The following AHI1 variants were observed in gnomAD, a reference collection of about 807,000 sequenced individuals.
AHI1 encodes the protein Abelson helper integration site 1, also known as jouberin.
In AHI1, 123 loss-of-function variants were observed where a neutral mutation model predicts 149.3. The ratio of observed to expected loss-of-function variants is 0.82; its 90% CI spans 0.71 to 0.96. The LOEUF (loss-of-function observed/expected upper bound fraction) is 0.96, where lower values mean the gene tolerates loss of function less well. AHI1 is among the 40% of genes least tolerant of loss of function. The probability of loss-of-function intolerance (pLI) is 0.00; values close to 1 mark genes in which losing one functional copy is unlikely to be tolerated. For missense variants in AHI1, 1,439 were observed against 1,422.7 expected, an observed-to-expected ratio of 1.01 and a Z score of -0.18; for synonymous variants, 475 against 459.8, an observed-to-expected ratio of 1.03 and a Z score of -0.42.
chr6:135,378,395 C>T (rs980027261), intron 23 of AHI1, among the ~76,000 whole-genome samples: 1 of 152,316 alleles, frequency 6.6e-6, no homozygotes, highest in Middle Eastern at 3.4e-3. Flanking sequence ...CTAATTTCTA[C>T]CTAAAACCAT....
chr6:135,495,134 T>C (rs1795790168), intron 3 of AHI1, among the ~76,000 whole-genome samples: 1 of 152,146 alleles, frequency 6.6e-6, no homozygotes, highest in Non-Finnish European at 1.5e-5. Context: ...GTGGAAGGAT[T>C]ATGCTTTTTG....
rs1787146246 is a variant in AHI1, at chr6:135,323,239, T to C, written c.3251A>G (p.Asp1084Gly). 8.7e-6 allele frequency: 14 copies of C among 1,613,930 alleles called. No individual in the cohort carries two copies. Among genetic ancestry groups the C allele is most frequent in the Non-Finnish European group, 1.2e-5 (14 of 1,179,846 alleles). Residue 1084 changes from aspartate (D) to glycine (G), a missense_variant, in exon 25 of 29, where the codon GAT becomes GGT. Transcript: ENST00000265602. The part of the protein sequence containing the change: ...RGDIIRVFFK[D>G]NEDWWYGSIG... ...GCTGCCATACCACCAGTCTTCATTA[T>C]CTTTGAAAAACACTCGGATAATGTC...
At chr6:135,302,807 T>A in intron 26 of AHI1, 1 of 1,289,076 alleles carries the variant, frequency 7.8e-7, no homozygotes, top group Non-Finnish European at 1.0e-6. Flanking sequence ...AGCTGTTTTG[T>A]TTTATTTTAC....
At position 135,432,514 on chromosome 6, in the gene AHI1, G is replaced by A. The variant is rs866543986; in HGVS notation, c.2266+513C>T. Among the ~76,000 whole-genome samples, 7 of 151,956 alleles carry A rather than the reference G, an allele frequency of 4.6e-5. No individual in the cohort carries two copies. The South Asian group carries it at 1.2e-3, about 27-fold the overall frequency. The stretch of plus-strand genomic sequence containing the variant: ...ACTACAGGTGCATGCCACCACACCC[G>A]GCTAATTTTTTGTATTTTTAGTAGA... On this transcript the variant is annotated intron_variant, in intron 16 of 28. Coordinates refer to ENST00000265602, the MANE Select transcript of AHI1 (RefSeq NM_001134831.2).
At chr6:135,469,313 T>C (rs1027517612) in intron 5 of AHI1, among the ~76,000 whole-genome samples, 1 of 152,184 alleles carries the variant, frequency 6.6e-6, no homozygotes, top group Non-Finnish European at 1.5e-5. Context: ...TCAACATTGC[T>C]TCATGTTAAA....
At chr6:135,453,977 T>C (rs1039832207) in intron 10 of AHI1, among the ~76,000 whole-genome samples, 1 of 152,140 alleles carries the variant, frequency 6.6e-6, no homozygotes, top group Non-Finnish European at 1.5e-5. Context: ...TAGATATTTA[T>C]CAAAGGCTAT....
chr6:135,331,658 G>A (rs146848296), intron 24 of AHI1, among the ~76,000 whole-genome samples: 1 of 152,298 alleles, frequency 6.6e-6, no homozygotes, highest in Non-Finnish European at 1.5e-5. Context: ...TATCCACAAT[G>A]CAATCCAATA....
intron 23 of AHI1, among the ~76,000 whole-genome samples, chr6:135,369,403 G>C (rs1774696340): frequency 6.6e-6 from 1 of 152,236 alleles, no homozygotes; most frequent in South Asian, 2.1e-4. Context: ...CCAAGTGGGA[G>C]CTGCAAGTTA....
chr6:135,400,481 T>C (rs1583038576), intron 22 of AHI1, among the ~76,000 whole-genome samples: 1 of 151,314 alleles, frequency 6.6e-6, no homozygotes, highest in East Asian at 1.9e-4. Context: ...AAAGATGAAG[T>C]TTCCTGGCTT....
At chr6:135,327,125 G>A (rs1356568869) in intron 24 of AHI1, among the ~76,000 whole-genome samples, 1 of 152,118 alleles carries the variant, frequency 6.6e-6, no homozygotes, top group African/African-American at 2.4e-5. Flanking sequence ...ATAACACACT[G>A]AGAAAATAAA....
At chr6:135,382,980 A>T (rs58547978) in intron 23 of AHI1, among the ~76,000 whole-genome samples, 1,510 of 140,508 alleles carry the variant, frequency 0.011, 29 homozygotes, top group African/African-American at 0.034. Flanking sequence ...ATAATTTTTT[A>T]AAAATTGGAT....
At chr6:135,300,912 T>C in intron 26 of AHI1, 1 of 1,002,470 alleles carries the variant, frequency 1.0e-6, no homozygotes, top group Non-Finnish European at 1.2e-6. Context: ...TCTTTTAGCC[T>C]GCATCTTTCC....
At chr6:135,318,066 C>A (rs937585105) in intron 26 of AHI1, among the ~76,000 whole-genome samples, 5 of 152,196 alleles carry the variant, frequency 3.3e-5, no homozygotes, top group African/African-American at 1.2e-4. Flanking sequence ...AATACATCCA[C>A]ATTCATTTTA....
intron 23 of AHI1, among the ~76,000 whole-genome samples, chr6:135,373,841 T>C (rs563744662): frequency 4.1e-4 from 63 of 152,266 alleles, no homozygotes; most frequent in Non-Finnish European, 8.1e-4. Context: ...CACAAGGCAC[T>C]GTTCTGGGAA....
chr6:135,402,743 C>T (rs1348397480), intron 22 of AHI1, among the ~76,000 whole-genome samples: 2 of 152,168 alleles, frequency 1.3e-5, no homozygotes, highest in Admixed American at 6.5e-5. Flanking sequence ...AGTAAATGTA[C>T]ATCCTCTTCC....
At chr6:135,367,871 G>T (rs1774419040) in intron 23 of AHI1, among the ~76,000 whole-genome samples, 1 of 152,108 alleles carries the variant, frequency 6.6e-6, no homozygotes, top group African/African-American at 2.4e-5. Flanking sequence ...TTTCTTCTTG[G>T]TTTGGATCCA....
At chr6:135,451,759 G>A in intron 11 of AHI1, among the ~76,000 whole-genome samples, 1 of 151,996 alleles carries the variant, frequency 6.6e-6, no homozygotes, top group Non-Finnish European at 1.5e-5. Flanking sequence ...CTGCAGGTCT[G>A]CACAAATCTT....
At chr6:135,342,361 C>G (rs1790507152) in intron 24 of AHI1, among the ~76,000 whole-genome samples, 1 of 151,880 alleles carries the variant, frequency 6.6e-6, no homozygotes, top group Admixed American at 6.6e-5. Context: ...CAATCCTTCA[C>G]AAACTTCCCT....
In AHI1 at chr6:135,448,363, C is replaced by A; in HGVS notation, c.1553G>T (p.Trp518Leu). 1 of 1,610,764 alleles carries A rather than the reference C, an allele frequency of 6.2e-7. No individual in the cohort carries two copies. The highest frequency in any genetic ancestry group is 8.5e-7 in the Non-Finnish European group (1 of 1,177,926). ...PLSVVEAFEW[W>L]SKCPRNHYPS... ...GTAATGATTTCTTGGACATTTTGAC[C>A]ACCATTCAAATGCCTCAACAACACT... The change falls in exon 12 of 29, where the codon TGG becomes TTG. Residue 518 changes from tryptophan (W) to leucine (L), a missense_variant. Transcript: ENST00000265602.
Sources: gnomAD v4.1 joint callset for allele counts (sites outside exome capture counted in the v4.1 genomes callset) on GRCh38, gnomAD v4.1.1 for gene constraint, MANE v1.5 for transcripts, NCBI Gene and HGNC (gene_info 2026-07-23, HGNC 2026-07-21) for gene names.